ERICH3: variants seen among roughly 807,000 people sequenced by gnomAD.
The protein encoded by ERICH3 is glutamate-rich protein 3.
In ERICH3, 126 loss-of-function variants were observed where a neutral mutation model predicts 131.1. The observed-to-expected ratio is 0.96, with a 90% CI of 0.83 to 1.11. The LOEUF (loss-of-function observed/expected upper bound fraction) is 1.11, where lower values mean the gene tolerates loss of function less well. Ranked by LOEUF, ERICH3 falls within the 50% of genes most tolerant of loss-of-function variation. The probability of loss-of-function intolerance (pLI) is 0.00; values close to 1 mark genes in which losing one functional copy is unlikely to be tolerated. For synonymous variants in ERICH3, 695 were observed against 644.6 expected (o/e 1.08, Z -1.18); for missense variants, 2,050 against 1,810.7 (o/e 1.13, Z -2.40).
At chr1:74,603,667 A>C (rs79148589) in intron 10 of ERICH3, among the ~76,000 whole-genome samples, 5,956 of 151,940 alleles carry the variant, frequency 0.039, 406 homozygotes, top group African/African-American at 0.14. Flanking sequence ...TAGTGATATA[A>C]ATTTTTTGGT....
At chr1:74,664,692 A>G (rs902314205) in intron 1 of ERICH3, among the ~76,000 whole-genome samples, 10 of 152,058 alleles carry the variant, frequency 6.6e-5, no homozygotes, top group African/African-American at 2.4e-4. Context: ...ATTTTCATTA[A>G]TTTGTAAATG....
At chr1:74,581,412 G>T (rs1647179573) in intron 12 of ERICH3, among the ~76,000 whole-genome samples, 1 of 152,054 alleles carries the variant, frequency 6.6e-6, no homozygotes, top group Non-Finnish European at 1.5e-5. Flanking sequence ...GGTTCTTTGA[G>T]GCTATAGTGA....
rs2100499475 is a variant in ERICH3 at position 74,571,579 on chromosome 1, G to A, written c.4131C>T (p.Ser1377=). 6.2e-7 allele frequency: 1 copy of A among 1,614,126 alleles called. No homozygotes were observed. The stretch of plus-strand genomic sequence containing the variant: ...TTTCTTCCTCAGCAACATCTGAAAA[G>A]GAGGAGGCTTTATTTGCTATTGTTT... The part of the protein sequence containing the change: ...EEKTIANKAS[S]FSDVAEEETW... The change falls in exon 14 of 15, where the codon TCC becomes TCT. Residue 1377 remains serine, a synonymous_variant. Coordinates refer to ENST00000326665, the MANE Select transcript of ERICH3 (RefSeq NM_001002912.5).
chr1:74,596,886 T>C (rs940627322), intron 11 of ERICH3, among the ~76,000 whole-genome samples: 1 of 152,020 alleles, frequency 6.6e-6, no homozygotes, highest in Non-Finnish European at 1.5e-5. Flanking sequence ...CAGCACAGTG[T>C]ATTCATCAAG....
chr1:74,620,257 A>C (rs1014300666), intron 8 of ERICH3, among the ~76,000 whole-genome samples: 5 of 152,206 alleles, frequency 3.3e-5, no homozygotes, highest in Non-Finnish European at 7.4e-5. Flanking sequence ...AAATGTACTA[A>C]AAAGCTATTT....
chr1:74,601,319 T>C (rs1305290206), intron 10 of ERICH3, among the ~76,000 whole-genome samples: 2 of 151,774 alleles, frequency 1.3e-5, no homozygotes, highest in Admixed American at 1.3e-4. Flanking sequence ...TTGAGAATCT[T>C]CTATGATTAA....
At chr1:74,616,719 G>A (rs1262221447) in intron 8 of ERICH3, among the ~76,000 whole-genome samples, 1 of 151,948 alleles carries the variant, frequency 6.6e-6, no homozygotes, top group Non-Finnish European at 1.5e-5. Context: ...ATCAAGATGA[G>A]ATCATCCTGG....
At chr1:74,601,303 TA>T (rs958764782) in intron 10 of ERICH3, among the ~76,000 whole-genome samples, 12 of 151,846 alleles carry the variant, frequency 7.9e-5, no homozygotes, top group Admixed American at 4.0e-4. Flanking sequence ...TCAATAAGCC[TA>T]TTTTTTGAGA....
At position 74,571,927 on chromosome 1, in the gene ERICH3, T is replaced by C. The variant is rs147270498; in HGVS notation, c.3783A>G (p.Gln1261=). The change falls in exon 14 of 15, where the codon CAA becomes CAG. Residue 1261 remains glutamine, a synonymous_variant. Transcript: ENST00000326665. ...CAGLEGRAEG[Q]GGVDVVLRTQ... ...TCCTTAGCACGACATCCACTCCTCC[T>C]TGCCCTTCAGCTCTCCCCTCCAGTC... The C allele has an allele frequency of 4.3e-5, 70 of 1,613,274 alleles. No homozygotes were observed. The African/African-American group carries it at 8.9e-4, about 21-fold the overall frequency.
intron 12 of ERICH3, among the ~76,000 whole-genome samples, chr1:74,577,951 T>A (rs1647098877): frequency 6.6e-6 from 1 of 152,194 alleles, no homozygotes; most frequent in African/African-American, 2.4e-5. Flanking sequence ...CAATATTCAC[T>A]CCATGGGGAC....
intron 9 of ERICH3, among the ~76,000 whole-genome samples, chr1:74,609,174 A>G (rs1255570869): frequency 6.6e-6 from 1 of 152,090 alleles, no homozygotes; most frequent in Non-Finnish European, 1.5e-5. Context: ...CGCCTCTTCA[A>G]ACAGTTCCTA....
chr1:74,603,903 T>G (rs1004236913), intron 10 of ERICH3, among the ~76,000 whole-genome samples: 3 of 151,854 alleles, frequency 2.0e-5, no homozygotes, highest in African/African-American at 7.2e-5. Flanking sequence ...TGCTGATGGC[T>G]GGGGTGGCTA....
intron 9 of ERICH3, among the ~76,000 whole-genome samples, chr1:74,609,875 G>A (rs1648600279): frequency 6.6e-6 from 1 of 152,176 alleles, no homozygotes; most frequent in South Asian, 2.1e-4. Context: ...GGTACCAAGT[G>A]TTGAAATCAT....
intron 1 of ERICH3, among the ~76,000 whole-genome samples, chr1:74,671,435 G>A (rs765653294): frequency 2.6e-5 from 4 of 152,160 alleles, no homozygotes; most frequent in Admixed American, 6.5e-5. Context: ...TAAAAAACTT[G>A]CTGGTTTGAG....
Position 74,612,741 on chromosome 1 carries a change from T to C in ERICH3, c.1069A>G (p.Met357Val), listed in dbSNP as rs1648760364. Residue 357 changes from methionine (M) to valine (V), a missense_variant, in exon 9 of 15, where the codon ATG (methionine) becomes GTG (valine). Physicochemically the swap from Met to Val is conservative, Grantham distance 21. Coordinates refer to ENST00000326665, the MANE Select transcript of ERICH3 (RefSeq NM_001002912.5). ...CAGGAGCTTAACCTGTTCACCTGCA[T>C]CCCATTCAGGAAAAAGGTGAGACTG... is the stretch of plus-strand genomic sequence containing the variant. Reference protein sequence around the residue: ...PFSLTFFLNGMQVNRLSSCCE... With the variant: ...PFSLTFFLNGVQVNRLSSCCE... The C allele has an allele frequency of 6.2e-7, 1 of 1,602,962 alleles. No individual in the cohort carries two copies. The highest frequency in any genetic ancestry group is 8.5e-7 in the Non-Finnish European group (1 of 1,171,460).
intron 8 of ERICH3, 70 bp downstream of exon 8, chr1:74,620,664 T>C: frequency 3.8e-6 from 5 of 1,305,898 alleles, no homozygotes; most frequent in Non-Finnish European, 5.2e-6. Flanking sequence ...CATTTTGATA[T>C]TATATCAACA....
intron 12 of ERICH3, chr1:74,579,386 C>G: frequency 1.0e-6 from 1 of 985,108 alleles, no homozygotes; most frequent in Non-Finnish European, 1.2e-6. Context: ...CTAACATCAT[C>G]TGAAAATTAA....
At chr1:74,584,027 A>G (rs966299565) in intron 12 of ERICH3, among the ~76,000 whole-genome samples, 18 of 152,182 alleles carry the variant, frequency 1.2e-4, no homozygotes, top group African/African-American at 4.3e-4. Flanking sequence ...ACTTATTCCA[A>G]GTTCCTGGTG....
chr1:74,570,886 C>G (rs373600528), intron 14 of ERICH3, among the ~76,000 whole-genome samples: 2 of 152,194 alleles, frequency 1.3e-5, no homozygotes, highest in South Asian at 4.2e-4. Flanking sequence ...CTTGCCACAC[C>G]GGGAAGAGCA....
Sources: allele counts gnomAD v4.1 joint callset (sites outside exome capture counted in the v4.1 genomes callset), GRCh38; gene constraint gnomAD v4.1.1; transcripts MANE v1.5; gene names NCBI Gene and HGNC (gene_info 2026-07-23, HGNC 2026-07-21).